The following SLC41A3 variants were observed in gnomAD, a reference collection of about 807,000 sequenced individuals.
The protein encoded by SLC41A3 is solute carrier family 41 member 3.
In SLC41A3, 44 loss-of-function variants were observed where a neutral mutation model predicts 45.4. That is an observed-to-expected ratio of 0.97 (90% CI 0.76 to 1.25). The LOEUF (loss-of-function observed/expected upper bound fraction) is 1.25. Among genes scored for constraint, SLC41A3 ranks in the 50% most tolerant of loss-of-function variants. SLC41A3 has a pLI of 0.00. For missense variants in SLC41A3, 550 were observed against 600.6 expected, an observed-to-expected ratio of 0.92 and a Z score of 0.88; for synonymous variants, 256 against 252.4, an observed-to-expected ratio of 1.01 and a Z score of -0.13.
chr3:126,092,473 T>C (rs1945507878), intron 1 of SLC41A3: 2 of 152,368 alleles, frequency 1.3e-5, no homozygotes, highest in South Asian at 4.1e-4. Flanking sequence ...TAAATCTGTG[T>C]TCGGGGCTCT....
rs553614762 is a variant in SLC41A3 at position 126,052,580 on chromosome 3, G to A, written c.274-1530C>T. 3.3e-5 allele frequency among the ~76,000 whole-genome samples: 5 copies of A among 152,176 alleles called. No homozygotes were observed. In the East Asian group the frequency reaches 5.8e-4, roughly 18 times the overall value. The stretch of plus-strand genomic sequence containing the variant: ...GTGCTGCAACTCTATGGCTCTCACC[G>A]TCTCCCTAAAGGAAGTGGTGGCCTC... On this transcript the variant is annotated intron_variant, in intron 2 of 10. Coordinates refer to ENST00000360370, the MANE Select transcript of SLC41A3 (RefSeq NM_017836.4).
chr3:126,086,871 T>A (rs1945405388), upstream of SLC41A3, among the ~76,000 whole-genome samples: 1 of 152,170 alleles, frequency 6.6e-6, no homozygotes, highest in African/African-American at 2.4e-5. Flanking sequence ...ACTAAAAATA[T>A]GTAAAAGAGC....
intron 3 of SLC41A3, among the ~76,000 whole-genome samples, chr3:126,050,195 C>A (rs1943232951): frequency 6.6e-6 from 1 of 152,196 alleles, no homozygotes; most frequent in South Asian, 2.1e-4. Flanking sequence ...CCTCACCTAT[C>A]TCTTCAGCCT....
upstream of SLC41A3, among the ~76,000 whole-genome samples, chr3:126,088,060 G>C (rs1454389376): frequency 1.3e-5 from 2 of 151,988 alleles, no homozygotes; most frequent in African/African-American, 2.4e-5. Flanking sequence ...TTAGATAATA[G>C]ATCTCTCCTT....
At chr3:126,086,547 A>G (rs1370295753), upstream of SLC41A3, among the ~76,000 whole-genome samples, 2 of 139,514 alleles carry the variant, frequency 1.4e-5, no homozygotes, top group Non-Finnish European at 3.0e-5. Context: ...TGTATTTAAA[A>G]GGATTTTATA....
chr3:126,074,167 G>T (rs1361197884), intron 1 of SLC41A3, among the ~76,000 whole-genome samples: 1 of 151,818 alleles, frequency 6.6e-6, no homozygotes, highest in Non-Finnish European at 1.5e-5. Context: ...TTAGCTTTGG[G>T]TTTCTCATAG....
intron 1 of SLC41A3, among the ~76,000 whole-genome samples, chr3:126,098,563 T>C (rs1945647143): frequency 6.6e-6 from 1 of 152,224 alleles, no homozygotes; most frequent in Non-Finnish European, 1.5e-5. Context: ...GACTAATCTC[T>C]AAGGAAGGAA....
chr3:126,015,429 G>C, intron 8 of SLC41A3, 65 bp downstream of exon 8: 1 of 1,552,542 alleles, frequency 6.4e-7, no homozygotes, highest in South Asian at 1.1e-5. Flanking sequence ...CTGCTGTTCC[G>C]GTCCAACCCA....
At chr3:126,012,496 G>A (rs1389897232) in intron 9 of SLC41A3, 119 bp downstream of exon 9, 23 of 1,338,314 alleles carry the variant, frequency 1.7e-5, no homozygotes, top group Non-Finnish European at 1.5e-5. Flanking sequence ...AAGGTGATGT[G>A]TGCCGAGATC....
rs1469161426 is a variant in SLC41A3, at chr3:126,095,313, G to A, written c.-79+6116C>T. 1.3e-5 allele frequency: 8 copies of A among 633,954 alleles called. No individual in the cohort carries two copies. In the East Asian group the frequency reaches 2.3e-4, roughly 18 times the overall value. 39.3% of individuals were successfully genotyped at this position (633,954 alleles called of 1,614,324 possible). A position where few individuals can be genotyped will look rare whatever the true frequency, so the allele number is the denominator to read the frequency against. ...CTGTTGCAGCCGTGTTGAGGCTGAT[G>A]CTCAGGAGGACCCCAACTGTCACAA... On this transcript the variant is annotated intron_variant, in intron 1 of 9. Coordinates refer to the SLC41A3 transcript ENST00000508835.
chr3:126,060,609 A>G (rs1944012661), intron 2 of SLC41A3, among the ~76,000 whole-genome samples: 1 of 152,256 alleles, frequency 6.6e-6, no homozygotes, highest in Non-Finnish European at 1.5e-5. Flanking sequence ...AAAACTATCA[A>G]AAGCAAATAA....
chr3:126,075,939 T>C (rs955936365), intron 1 of SLC41A3, among the ~76,000 whole-genome samples: 3 of 152,214 alleles, frequency 2.0e-5, no homozygotes, highest in Admixed American at 1.3e-4. Flanking sequence ...GTTTCTTAGA[T>C]GTGATATCTG....
chr3:126,015,668 C>G, intron 7 of SLC41A3, 95 bp from the exon 8 acceptor site: 1 of 1,227,022 alleles, frequency 8.1e-7, no homozygotes, highest in Admixed American at 1.8e-5. Context: ...GCCCAGCTTC[C>G]CATCCTTGGC....
chr3:126,070,039 A>G (rs1576353433), intron 1 of SLC41A3, among the ~76,000 whole-genome samples: 2 of 152,218 alleles, frequency 1.3e-5, no homozygotes, highest in Admixed American at 1.3e-4. Flanking sequence ...AGGCAGAAAG[A>G]TATTTGAAAA....
At chr3:126,063,956 C>CCCG (rs1553742187) in intron 2 of SLC41A3, among the ~76,000 whole-genome samples, 2 of 142,102 alleles carry the variant, frequency 1.4e-5, no homozygotes, top group African/African-American at 5.1e-5. Flanking sequence ...CCAACCCCCC[C>CCCG]CCGGGGACAC....
At chr3:126,035,816 G>A (rs1178725606) in intron 3 of SLC41A3, among the ~76,000 whole-genome samples, 2 of 152,174 alleles carry the variant, frequency 1.3e-5, no homozygotes, top group Non-Finnish European at 2.9e-5. Context: ...GGTCAAGGAA[G>A]GAGTGTTTGT....
chr3:126,026,400 A>AT lies in SLC41A3; in HGVS notation c.532_533insA (p.Val178AspfsTer64), dbSNP rs1476311917. 46 of 1,591,432 alleles carry AT rather than the reference A, an allele frequency of 2.9e-5. No individual in the cohort carries two copies. Among genetic ancestry groups the AT allele is most frequent in the Non-Finnish European group, 3.9e-5 (46 of 1,168,398 alleles). Reference sequence around the variant, plus strand: ...GGCACACAGCAACTCCACCTTGGCGACATCCACTTCCTCTCGAGACACCAC... The same window carrying AT: ...GGCACACAGCAACTCCACCTTGGCGATCATCCACTTCCTCTCGAGACACCAC... On this transcript the variant is annotated frameshift_variant, in exon 5 of 11. Transcript: ENST00000360370. LOFTEE classifies it high-confidence loss of function. The surrounding 1 kb of genome is among the most constrained non-coding windows in gnomAD (Gnocchi z 4.2).
intron 8 of SLC41A3, among the ~76,000 whole-genome samples, chr3:126,014,091 C>T (rs916714146): frequency 5.9e-5 from 9 of 152,106 alleles, no homozygotes; most frequent in African/African-American, 1.9e-4. Context: ...TGGGGATTCC[C>T]CTATCCTACT....
chr3:126,060,439 T>TACACACACACACCCACACAC (rs1553741201), intron 2 of SLC41A3, among the ~76,000 whole-genome samples: 2 of 146,322 alleles, frequency 1.4e-5, no homozygotes, highest in African/African-American at 5.1e-5. Context: ...GTGAGAAGGA[T>TACACACACACACCCACACAC]ACACACACAC....
Sources: gnomAD v4.1 joint callset for allele counts (sites outside exome capture counted in the v4.1 genomes callset) on GRCh38, gnomAD v4.1.1 for gene constraint, Gnocchi (gnomAD v3.1) non-coding constraint, MANE v1.5 for transcripts, NCBI Gene and HGNC (gene_info 2026-07-23, HGNC 2026-07-21) for gene names.